EPC2: variants seen among roughly 807,000 people sequenced by gnomAD.
EPC2 encodes the protein enhancer of polycomb homolog 2.
Under a neutral mutation model 92.1 loss-of-function variants are expected in EPC2, and 14 were observed. The observed-to-expected ratio is 0.15, with a 90% confidence interval of 0.10 to 0.24. EPC2 has a LOEUF of 0.24. Among genes scored for constraint, EPC2 ranks in the 10% least tolerant of loss-of-function variants. EPC2 has a pLI of 1.00. For synonymous variants in EPC2, 340 were observed against 334.7 expected, an observed-to-expected ratio of 1.02 and a Z score of -0.17; for missense variants, 755 against 971.5, an observed-to-expected ratio of 0.78 and a Z score of 2.96.
At chr2:148,704,980 A>G (rs999818929) in intron 2 of EPC2, among the ~76,000 whole-genome samples, 1 of 151,612 alleles carries the variant, frequency 6.6e-6, no homozygotes, top group Non-Finnish European at 1.5e-5. Context: ...CGGGGAACCC[A>G]ATGTATCTGT....
At chr2:148,713,535 T>C (rs138518651) in intron 2 of EPC2, among the ~76,000 whole-genome samples, 1 of 152,326 alleles carries the variant, frequency 6.6e-6, no homozygotes, top group Non-Finnish European at 1.5e-5. Flanking sequence ...TTAAGTTTAG[T>C]GTAGCCTGAG....
intron 3 of EPC2, among the ~76,000 whole-genome samples, chr2:148,748,006 G>C (rs1403842386): frequency 1.3e-5 from 2 of 152,100 alleles, no homozygotes; most frequent in Admixed American, 6.6e-5. Context: ...GTGATCTCCA[G>C]TGTTTGTGGA....
At chr2:148,737,392 C>T (rs899574946) in intron 2 of EPC2, among the ~76,000 whole-genome samples, 17 of 152,144 alleles carry the variant, frequency 1.1e-4, no homozygotes, top group African/African-American at 3.9e-4. Flanking sequence ...ACCTCTATCC[C>T]TGCCTCCCCA....
chr2:148,742,111 T>C (rs938004271), intron 2 of EPC2, among the ~76,000 whole-genome samples: 1 of 151,908 alleles, frequency 6.6e-6, no homozygotes, highest in Middle Eastern at 3.2e-3. Flanking sequence ...ATGTGTAAAC[T>C]ATCATTTATC....
intron 1 of EPC2, among the ~76,000 whole-genome samples, chr2:148,650,829 G>A (rs895082829): frequency 1.3e-5 from 2 of 152,244 alleles, no homozygotes; most frequent in African/African-American, 4.8e-5. Context: ...GACATGCCAG[G>A]TATTATCTAA....
At chr2:148,648,593 G>A (rs1343248839) in intron 1 of EPC2, among the ~76,000 whole-genome samples, 1 of 152,076 alleles carries the variant, frequency 6.6e-6, no homozygotes, top group Non-Finnish European at 1.5e-5. Context: ...TGTCCTGCTT[G>A]GTTGGCAAAA....
intron 2 of EPC2, among the ~76,000 whole-genome samples, chr2:148,729,709 G>A (rs933962471): frequency 2.0e-5 from 3 of 152,072 alleles, no homozygotes; most frequent in Non-Finnish European, 4.4e-5. Context: ...GAGAATAAAA[G>A]GGTCATTATC....
intron 2 of EPC2, among the ~76,000 whole-genome samples, chr2:148,712,671 C>T (rs1005343365): frequency 6.7e-6 from 1 of 149,564 alleles, no homozygotes; most frequent in Non-Finnish European, 1.5e-5. Flanking sequence ...TGGAAGATTG[C>T]TTGGGGCCAG....
chr2:148,712,091 T>C (rs1682155336), intron 2 of EPC2, among the ~76,000 whole-genome samples: 1 of 152,240 alleles, frequency 6.6e-6, no homozygotes, highest in Non-Finnish European at 1.5e-5. Flanking sequence ...CTTGGATTAA[T>C]ATCTACCATA....
chr2:148,657,648 T>G (rs1408262095), intron 1 of EPC2, among the ~76,000 whole-genome samples: 1 of 151,974 alleles, frequency 6.6e-6, no homozygotes, highest in Non-Finnish European at 1.5e-5. Flanking sequence ...CCAGAATATC[T>G]AGGATGCTTT....
intron 1 of EPC2, among the ~76,000 whole-genome samples, chr2:148,662,262 T>A (rs1680952927): frequency 1.3e-5 from 2 of 152,144 alleles, no homozygotes; most frequent in Non-Finnish European, 2.9e-5. Flanking sequence ...AGTGTGGCGA[T>A]TCCTCAGGGA....
rs75689301 is a variant in EPC2, at chr2:148,693,908, T to C, written c.313+3535T>C. On this transcript the variant is annotated intron_variant, in intron 2 of 13. Transcript: ENST00000258484. Reference sequence around the variant, plus strand: ...CCCCTCCTGTGTCCAGTGCGTACTTTCGTTGTGGCACTGACCACCTTCAGT... The same window carrying C: ...CCCCTCCTGTGTCCAGTGCGTACTTCCGTTGTGGCACTGACCACCTTCAGT... Among the ~76,000 whole-genome samples the C allele has an allele frequency of 1.6e-3, 246 of 152,320 alleles. 4 individuals carry two copies. The East Asian group carries it at 0.038, about 23-fold the overall frequency.
chr2:148,663,219 T>TATTATTATC (rs1680978258), intron 1 of EPC2, among the ~76,000 whole-genome samples: 1 of 147,006 alleles, frequency 6.8e-6, no homozygotes, highest in African/African-American at 2.5e-5. Flanking sequence ...TTATTATTAT[T>TATTATTATC]ATTATTATTA....
chr2:148,681,811 G>A (rs1391255297), intron 1 of EPC2, among the ~76,000 whole-genome samples: 7 of 152,070 alleles, frequency 4.6e-5, no homozygotes. Context: ...ATGTTGGTTT[G>A]CTGCACCTAT....
At chr2:148,701,137 G>A (rs74443437) in intron 2 of EPC2, among the ~76,000 whole-genome samples, 1,528 of 152,236 alleles carry the variant, frequency 0.01, 13 homozygotes, top group Non-Finnish European at 0.016. Context: ...GACTTACTAT[G>A]CTCTAATTAG....
chr2:148,659,081 T>C (rs1421028316), intron 1 of EPC2, among the ~76,000 whole-genome samples: 1 of 152,160 alleles, frequency 6.6e-6, no homozygotes, highest in Non-Finnish European at 1.5e-5. Context: ...GATTTCTGAC[T>C]GCATTTTCAG....
chr2:148,691,939 T>C (rs369899774), intron 2 of EPC2: 5 of 416,960 alleles, frequency 1.2e-5, no homozygotes, highest in East Asian at 5.8e-5. Flanking sequence ...TTCTTTCTTA[T>C]GGTATATATA....
At chr2:148,646,557 C>T (rs531206325) in intron 1 of EPC2, among the ~76,000 whole-genome samples, 22 of 150,658 alleles carry the variant, frequency 1.5e-4, no homozygotes, top group Non-Finnish European at 2.9e-4. Flanking sequence ...GCATTTATCC[C>T]TAAGGTTTAG....
intron 1 of EPC2, among the ~76,000 whole-genome samples, chr2:148,682,625 G>A (rs1314796725): frequency 5.3e-5 from 8 of 152,194 alleles, no homozygotes; most frequent in Admixed American, 2.6e-4. Context: ...TTTGTGGTAC[G>A]TTGTTACTGT....
Sources: gnomAD v4.1 joint callset for allele counts (sites outside exome capture counted in the v4.1 genomes callset) on GRCh38, gnomAD v4.1.1 for gene constraint, MANE v1.5 for transcripts, NCBI Gene and HGNC (gene_info 2026-07-23, HGNC 2026-07-21) for gene names.